ULK2: variants seen among roughly 807,000 people sequenced by gnomAD.
The protein encoded by ULK2 is serine/threonine-protein kinase ULK2.
Under a neutral mutation model 127.5 loss-of-function variants are expected in ULK2, and 76 were observed. That is an observed-to-expected ratio of 0.60 (90% CI 0.50 to 0.72). The LOEUF (loss-of-function observed/expected upper bound fraction) is 0.72. ULK2 is among the 30% of genes least tolerant of loss of function. The pLI is 0.00. For missense variants in ULK2, 1,144 were observed against 1,295.9 expected (o/e 0.88, Z 1.80); for synonymous variants, 452 against 461.9 (o/e 0.98, Z 0.28).
rs1178012031 is a variant in ULK2, at chr17:19,825,166, C to T, written c.852G>A (p.Val284=). 4.3e-6 allele frequency: 7 copies of T among 1,613,986 alleles called. No homozygotes were observed. The Admixed American group carries it at 1.2e-4, about 27-fold the overall frequency. The change falls in exon 12 of 27, where the codon GTG becomes GTA. Residue 284 remains valine, a synonymous_variant. Transcript: ENST00000395544. ...CAGAGACAGAACCAGAATACATGGG[C>T]ACTGGAACTGGGCAAGCTAGGGGAA... is the stretch of plus-strand genomic sequence containing the variant. The part of the protein sequence containing the change: ...GPVKKSCPVP[V]PMYSGSVSGS...
At chr17:19,846,331 A>G (rs934184283) in intron 6 of ULK2, among the ~76,000 whole-genome samples, 2 of 151,938 alleles carry the variant, frequency 1.3e-5, no homozygotes, top group Non-Finnish European at 2.9e-5. Flanking sequence ...TAAAAATATC[A>G]GATTGCATCA....
rs773768647 is a variant in ULK2 at position 19,782,111 on chromosome 17, T to TA, written c.2461-45dup. The TA allele has an allele frequency of 4.4e-6, 7 of 1,576,512 alleles. No individual in the cohort carries two copies. The Admixed American group carries it at 1.2e-4, about 27-fold the overall frequency. ...GTCTTAGAAAATTTCAGATTAAAAATACGTACATACTCATTTCTGTACATA... is the reference window on the plus strand; with the variant it reads ...GTCTTAGAAAATTTCAGATTAAAAATAACGTACATACTCATTTCTGTACATA... On this transcript the variant is annotated intron_variant, in intron 22 of 26. Transcript: ENST00000395544.
chr17:19,780,753 C>T, intron 24 of ULK2, 124 bp from the exon 25 acceptor site: 1 of 1,149,770 alleles, frequency 8.7e-7, no homozygotes, highest in Non-Finnish European at 1.2e-6. Flanking sequence ...AAAAAAGGAC[C>T]AGAAATAGGA....
intron 10 of ULK2, among the ~76,000 whole-genome samples, chr17:19,828,668 C>G (rs1218648124): frequency 6.6e-6 from 1 of 151,990 alleles, no homozygotes; most frequent in Non-Finnish European, 1.5e-5. Flanking sequence ...AAATGTGGGA[C>G]AAAAAAGCTG....
rs1352307502 is a variant in ULK2, at chr17:19,775,943, C to T, written c.*406G>A. Reference sequence around the variant, plus strand: ...AAACTGCCTGGATGAGGGGTGAATACATTTACCTTTACACCTCAGCAAACA... The same window carrying T: ...AAACTGCCTGGATGAGGGGTGAATATATTTACCTTTACACCTCAGCAAACA... On this transcript the variant is annotated 3_prime_UTR_variant, in exon 27 of 27. Transcript: ENST00000395544. 1 of 162,756 alleles carries T rather than the reference C, an allele frequency of 6.1e-6. No individual in the cohort carries two copies. The highest frequency in any genetic ancestry group is 2.4e-5 in the African/African-American group (1 of 41,874). 10.1% of individuals were successfully genotyped at this position (162,756 alleles called of 1,614,324 possible). A position where few individuals can be genotyped will look rare whatever the true frequency, so the allele number is the denominator to read the frequency against.
intron 20 of ULK2, among the ~76,000 whole-genome samples, chr17:19,790,585 A>AGAAG (rs1406633916): frequency 6.6e-6 from 1 of 152,174 alleles, no homozygotes; most frequent in East Asian, 1.9e-4. Context: ...GAGGGAGGGA[A>AGAAG]GAAGGAAGGA....
chr17:19,848,783 A>C (rs1015013079), intron 5 of ULK2, among the ~76,000 whole-genome samples: 2 of 152,100 alleles, frequency 1.3e-5, no homozygotes, highest in African/African-American at 4.8e-5. Context: ...TCTCCAAAAA[A>C]AAAAAAGGAA....
At chr17:19,833,240 C>T (rs111275372) in intron 10 of ULK2, among the ~76,000 whole-genome samples, 4,095 of 151,770 alleles carry the variant, frequency 0.027, 181 homozygotes, top group African/African-American at 0.094. Context: ...GACAAAAAAC[C>T]GCAAGGCATG....
At chr17:19,847,021 T>G in intron 5 of ULK2, 111 bp from the exon 6 acceptor site, 1 of 990,098 alleles carries the variant, frequency 1.0e-6, no homozygotes, top group East Asian at 2.9e-5. Flanking sequence ...AATGAGGAAT[T>G]TGGATTCACA....
In ULK2 at chr17:19,796,876, ATTAAT is replaced by A. The variant is rs1456115643; in HGVS notation, c.1809+515_1809+519del. Among the ~76,000 whole-genome samples, 9 of 152,346 alleles carry A rather than the reference ATTAAT, an allele frequency of 5.9e-5. No individual in the cohort carries two copies. The South Asian group carries it at 1.0e-3, about 18-fold the overall frequency. On this transcript the variant is annotated intron_variant, in intron 18 of 26. Coordinates refer to ENST00000395544, the MANE Select transcript of ULK2 (RefSeq NM_014683.4). ...TTTACAGCTTGTGTGACCTTGCACAATTAATTTAAACTCTCTAAGCCTCAATTTCC... is the reference window on the plus strand; with the variant it reads ...TTTACAGCTTGTGTGACCTTGCACAATTAAACTCTCTAAGCCTCAATTTCC...
intron 9 of ULK2, among the ~76,000 whole-genome samples, chr17:19,839,878 G>T (rs1263618546): frequency 6.6e-6 from 1 of 151,872 alleles, no homozygotes; most frequent in African/African-American, 2.4e-5. Context: ...CAGCCTATTT[G>T]GAGAGTGTAT....
chr17:19,798,642 T>C (rs1597728612), intron 17 of ULK2, among the ~76,000 whole-genome samples: 1 of 152,304 alleles, frequency 6.6e-6, no homozygotes, highest in East Asian at 1.9e-4. Flanking sequence ...TGTTAAAATC[T>C]TATGGTCTGA....
rs971376011 is a variant in ULK2 at position 19,777,615 on chromosome 17, T to C, written c.3018A>G (p.Leu1006=). The C allele has an allele frequency of 3.1e-6, 5 of 1,613,456 alleles. No homozygotes were observed. Among genetic ancestry groups the C allele is most frequent in the Non-Finnish European group, 4.2e-6 (5 of 1,179,882 alleles). ...CATTTTCAATATCTGCAGGGTCCTGTAGAATCCTACTTAGGCCTTCCAAAA... is the reference window on the plus strand; with the variant it reads ...CATTTTCAATATCTGCAGGGTCCTGCAGAATCCTACTTAGGCCTTCCAAAA... The part of the protein sequence containing the change: ...ALLLEGLSRI[L]QDPADIENVH... Residue 1006 remains leucine (L), a synonymous_variant, in exon 26 of 27, where the codon CTA becomes CTG. Transcript: ENST00000395544.
chr17:19,863,763 A>G (rs2042293968), intron 3 of ULK2, among the ~76,000 whole-genome samples: 1 of 152,158 alleles, frequency 6.6e-6, no homozygotes, highest in South Asian at 2.1e-4. Flanking sequence ...ATTTTCTCCA[A>G]TGCTGAGATC....
intron 13 of ULK2, among the ~76,000 whole-genome samples, chr17:19,813,483 C>G (rs1405126783): frequency 6.6e-6 from 1 of 152,076 alleles, no homozygotes; most frequent in East Asian, 1.9e-4. Flanking sequence ...GCAGGGCACT[C>G]AGGTACTTGT....
chr17:19,800,502 CA>C (rs896485912), intron 16 of ULK2, among the ~76,000 whole-genome samples: 5 of 152,176 alleles, frequency 3.3e-5, no homozygotes, highest in African/African-American at 1.2e-4. Flanking sequence ...GGGGCTGCTA[CA>C]GGGGTGAGAA....
chr17:19,867,303 C>T lies in ULK2; in HGVS notation c.90+25G>A, dbSNP rs1411879666. ...AGCCCCGTGCCTGCCGCCCGGGGCCCGGCCTCGCCCCGGCCGGCGCTCACC... is the reference window on the plus strand; with the variant it reads ...AGCCCCGTGCCTGCCGCCCGGGGCCTGGCCTCGCCCCGGCCGGCGCTCACC... On this transcript the variant is annotated intron_variant, in intron 1 of 26. Transcript: ENST00000395544. 4 of 1,535,344 alleles carry T rather than the reference C, an allele frequency of 2.6e-6. No individual in the cohort carries two copies. In the Admixed American group the frequency reaches 6.3e-5, roughly 24 times the overall value.
At position 19,799,548 on chromosome 17, in the gene ULK2, T is replaced by C; in HGVS notation, c.1469A>G (p.Gln490Arg). The part of the protein sequence containing the change: ...LVGTIPEQFS[Q>R]CCCGHPQGHD... The stretch of plus-strand genomic sequence containing the variant: ...GCCCTGAGGATGCCCACAGCAGCAC[T>C]GACTGAATTGCTCAGGAATGGTACC... Residue 490 changes from glutamine to arginine, a missense_variant, in exon 17 of 27, where the codon CAG becomes CGG. This residue lies in a region of ULK2 where 913 missense variants were observed against 970.5 expected (regional missense o/e 0.94). Transcript: ENST00000395544. 10 of 1,564,096 alleles carry C rather than the reference T, an allele frequency of 6.4e-6. No homozygotes were observed. The highest frequency in any genetic ancestry group is 8.6e-6 in the Non-Finnish European group (10 of 1,165,086).
Position 19,854,804 on chromosome 17 carries a change from T to C in ULK2, c.226-5030A>G, listed in dbSNP as rs114205629. ...AAATTCTACCATGTAGGAACTTCCA[T>C]ATATTAAAGACACGGCGGGGGCATG... On this transcript the variant is annotated intron_variant, in intron 3 of 26. Transcript: ENST00000395544. Among the ~76,000 whole-genome samples, 350 of 152,164 alleles carry C rather than the reference T, an allele frequency of 2.3e-3. 2 individuals are homozygous for C. Among genetic ancestry groups the C allele is most frequent in the African/African-American group, 8.3e-3 (344 of 41,530 alleles).
Sources: allele counts gnomAD v4.1 joint callset (sites outside exome capture counted in the v4.1 genomes callset), GRCh38; gene constraint gnomAD v4.1.1; regional missense constraint gnomAD v4.1.1; transcripts MANE v1.5; gene names NCBI Gene and HGNC (gene_info 2026-07-23, HGNC 2026-07-21).